The following PI4K2B variants were observed in gnomAD, a reference collection of about 807,000 sequenced individuals.
PI4K2B encodes phosphatidylinositol 4-kinase type 2 beta.
In PI4K2B, 46 loss-of-function variants were observed where a neutral mutation model predicts 56.6. The observed-to-expected ratio is 0.81, with a 90% confidence interval of 0.64 to 1.04. The LOEUF (loss-of-function observed/expected upper bound fraction) is 1.04, where lower values mean the gene tolerates loss of function less well. PI4K2B is among the 50% of genes least tolerant of loss of function. PI4K2B has a pLI of 0.00. For synonymous variants in PI4K2B, 211 were observed against 223.8 expected (o/e 0.94, Z 0.51); for missense variants, 556 against 607.7 (o/e 0.91, Z 0.89).
At chr4:25,260,462 T>C (rs1241226540) in intron 5 of PI4K2B, 62 bp from the exon 6 acceptor site, 8 of 655,998 alleles carry the variant, frequency 1.2e-5, no homozygotes, top group East Asian at 6.4e-5. Flanking sequence ...AGTTTTCTCA[T>C]TGATATTAAG....
At chr4:25,269,269 C>T (rs1356909369) in intron 9 of PI4K2B, 66 bp downstream of exon 9, 2 of 859,686 alleles carry the variant, frequency 2.3e-6, no homozygotes, top group Non-Finnish European at 2.0e-6. Context: ...AACTGTTTTC[C>T]CCACTGTGAT....
chr4:25,270,453 C>G (rs1716843977), intron 9 of PI4K2B, among the ~76,000 whole-genome samples: 1 of 152,012 alleles, frequency 6.6e-6, no homozygotes, highest in African/African-American at 2.4e-5. Context: ...TCAAGCGATT[C>G]TCCTGCCTCA....
In PI4K2B at chr4:25,263,763, TTGA is replaced by T. The variant is rs761602025; in HGVS notation, c.999_1001del (p.Asp333del). Reference sequence around the variant, plus strand: ...TCTACTCTATAGGAATCAAAATGGATTGATGATGAAGAATTCCTTATTAAAATA... The same window carrying T: ...TCTACTCTATAGGAATCAAAATGGATTGATGAAGAATTCCTTATTAAAATA... On this transcript the variant is annotated inframe_deletion, in exon 7 of 10. Transcript: ENST00000264864. 14 of 1,398,638 alleles carry T rather than the reference TTGA, an allele frequency of 1.0e-5. No individual in the cohort carries two copies. In the Admixed American group the frequency reaches 2.2e-4, roughly 22 times the overall value. The allele number at this position is 1,398,638 out of a possible 1,614,324, so 86.6% of individuals were successfully genotyped here. A position where few individuals can be genotyped will look rare whatever the true frequency, so the allele number is the denominator to read the frequency against.
chr4:25,236,204 CAAAAATAAATAAATAA>C (rs1283145475), intron 1 of PI4K2B, among the ~76,000 whole-genome samples: 1 of 128,248 alleles, frequency 7.8e-6, no homozygotes, highest in Non-Finnish European at 1.6e-5. Flanking sequence ...GACTCTGTCT[CAAAAATAAATAAATAA>C]ATAAATAAAT....
chr4:25,234,439 C>T lies in PI4K2B; in HGVS notation c.268+8C>T. ...GCCGCCCCGCGGTTTCAGGTGCGAC[C>T]CGGCCCTGCCCCACTCCCCGCGCCC... On this transcript the variant is annotated splice_region_variant and intron_variant, in intron 1 of 9. Coordinates refer to ENST00000264864, the MANE Select transcript of PI4K2B (RefSeq NM_018323.4). 2 of 1,288,376 alleles carry T rather than the reference C, an allele frequency of 1.6e-6. No homozygotes were observed. The highest frequency in any genetic ancestry group is 2.0e-6 in the Non-Finnish European group (2 of 1,017,246). 79.8% of individuals were successfully genotyped at this position (1,288,376 alleles called of 1,614,324 possible). A position where few individuals can be genotyped will look rare whatever the true frequency, so the allele number is the denominator to read the frequency against.
intron 4 of PI4K2B, among the ~76,000 whole-genome samples, chr4:25,257,196 C>T (rs756253976): frequency 6.6e-6 from 1 of 151,554 alleles, no homozygotes; most frequent in Non-Finnish European, 1.5e-5. Flanking sequence ...TAGCTGGGAC[C>T]ACAGGTGCAC....
intron 2 of PI4K2B, 126 bp from the exon 3 acceptor site, chr4:25,254,939 T>C (rs1716199415): frequency 1.6e-6 from 1 of 640,058 alleles, no homozygotes; most frequent in Non-Finnish European, 2.7e-6. Context: ...ATCCTCTTAA[T>C]AGTTTGGGGA....
At chr4:25,276,487 C>T (rs1717098448) in intron 9 of PI4K2B, 3 of 234,908 alleles carry the variant, frequency 1.3e-5, no homozygotes, top group South Asian at 3.1e-4. Flanking sequence ...TTTATTGACT[C>T]TTCTCCCTGC....
intron 1 of PI4K2B, among the ~76,000 whole-genome samples, chr4:25,250,336 A>C (rs2109094778): frequency 6.6e-6 from 1 of 152,304 alleles, no homozygotes; most frequent in South Asian, 2.1e-4. Flanking sequence ...CAGTGAACTA[A>C]CACAGGAACA....
Position 25,268,433 on chromosome 4 carries a change from T to C in PI4K2B, c.1079-10T>C. 6.3e-7 allele frequency: 1 copy of C among 1,598,342 alleles called. No homozygotes were observed. Among genetic ancestry groups the C allele is most frequent in the Non-Finnish European group, 8.5e-7 (1 of 1,173,678 alleles). On this transcript the variant is annotated splice_polypyrimidine_tract_variant and intron_variant, in intron 7 of 9. Transcript: ENST00000264864. ...CTACCACTGATTAGGAGAATGCTTT[T>C]TTCTATTAGATCCATTTCACTGGGC...
intron 9 of PI4K2B, among the ~76,000 whole-genome samples, chr4:25,272,124 A>G (rs1716921577): frequency 6.6e-6 from 1 of 152,000 alleles, no homozygotes; most frequent in African/African-American, 2.4e-5. Context: ...CAGCCTGGGC[A>G]GCAGAGCAAG....
In PI4K2B at chr4:25,277,024, T is replaced by A. The variant is rs1357295202; in HGVS notation, c.1283T>A (p.Leu428His). The A allele has an allele frequency of 6.3e-7, 1 of 1,586,304 alleles. No homozygotes were observed. The highest frequency in any genetic ancestry group is 1.1e-5 in the South Asian group (1 of 87,788). Residue 428 changes from leucine (L) to histidine (H), a missense_variant, in exon 10 of 10, where the codon CTT becomes CAT. By Grantham distance (99) the Leu-to-His change is moderately conservative. Coordinates refer to ENST00000264864, the MANE Select transcript of PI4K2B (RefSeq NM_018323.4). ...MSVMRGQILNLTQALRDGKSP... is the reference protein window; with the variant it reads ...MSVMRGQILNHTQALRDGKSP... The stretch of plus-strand genomic sequence containing the variant: ...CTCTTCTTCCCACAGATCTTAAACC[T>A]TACTCAGGCATTGAGAGACGGGAAG...
At chr4:25,264,507 C>CA (rs11300685) in intron 7 of PI4K2B, among the ~76,000 whole-genome samples, 15 of 151,898 alleles carry the variant, frequency 9.9e-5, no homozygotes, top group Non-Finnish European at 8.8e-5. Flanking sequence ...GCCAGTTTTG[C>CA]AAAAAAAAAT....
chr4:25,266,149 C>G (rs1490872582), intron 7 of PI4K2B, among the ~76,000 whole-genome samples: 1 of 151,688 alleles, frequency 6.6e-6, no homozygotes, highest in East Asian at 1.9e-4. Flanking sequence ...TAGCATATAC[C>G]TGGTATTATT....
intron 1 of PI4K2B, among the ~76,000 whole-genome samples, chr4:25,251,687 G>A (rs1039922653): frequency 6.6e-6 from 1 of 152,138 alleles, no homozygotes; most frequent in Non-Finnish European, 1.5e-5. Context: ...GACAAAATCC[G>A]AGATATGATT....
chr4:25,254,792 G>A (rs893518559), intron 2 of PI4K2B, among the ~76,000 whole-genome samples: 7 of 152,168 alleles, frequency 4.6e-5, no homozygotes, highest in Admixed American at 1.3e-4. Flanking sequence ...GTGGCATGGG[G>A]TCTTGGAGCC....
intron 1 of PI4K2B, among the ~76,000 whole-genome samples, chr4:25,246,961 C>T (rs561893026): frequency 2.6e-5 from 4 of 152,362 alleles, no homozygotes; most frequent in African/African-American, 4.8e-5. Flanking sequence ...GGCCTGCAAG[C>T]GCCGCATGCA....
intron 6 of PI4K2B, among the ~76,000 whole-genome samples, chr4:25,261,006 C>A (rs1240653355): frequency 2.0e-5 from 3 of 151,682 alleles, no homozygotes; most frequent in African/African-American, 7.3e-5. Flanking sequence ...CCACACCCAG[C>A]CAGTTCTGTT....
chr4:25,241,829 A>G (rs1715539393), intron 1 of PI4K2B, among the ~76,000 whole-genome samples: 1 of 152,204 alleles, frequency 6.6e-6, no homozygotes, highest in South Asian at 2.1e-4. Context: ...TCTGTGACGT[A>G]TAAAGAGAAG....
Sources: allele counts gnomAD v4.1 joint callset (sites outside exome capture counted in the v4.1 genomes callset), GRCh38; gene constraint gnomAD v4.1.1; transcripts MANE v1.5; gene names NCBI Gene and HGNC (gene_info 2026-07-23, HGNC 2026-07-21).